The following MYO1H variants were observed in gnomAD, a reference collection of about 807,000 sequenced individuals.
The protein encoded by MYO1H is unconventional myosin-Ih.
Under a neutral mutation model 149.3 loss-of-function variants are expected in MYO1H, and 118 were observed. The observed-to-expected ratio is 0.79, with a 90% CI of 0.68 to 0.92. The LOEUF (loss-of-function observed/expected upper bound fraction) is 0.92, where lower values mean the gene tolerates loss of function less well. Among genes scored for constraint, MYO1H ranks in the 40% least tolerant of loss-of-function variants. The pLI is 0.00. For synonymous variants in MYO1H, 447 were observed against 465.2 expected, an observed-to-expected ratio of 0.96 and a Z score of 0.50; for missense variants, 1,212 against 1,280.7, an observed-to-expected ratio of 0.95 and a Z score of 0.82.
chr12:109,406,467 TAAAAAAAAA>T (rs56744077), intron 8 of MYO1H, among the ~76,000 whole-genome samples: 6 of 43,644 alleles, frequency 1.4e-4, no homozygotes, highest in South Asian at 1.1e-3. Context: ...CCCTATCTCT[TAAAAAAAAA>T]AAAAAAAAAA....
At chr12:109,388,925 T>TTC in intron 2 of MYO1H, 81 bp downstream of exon 2, 1 of 1,477,916 alleles carries the variant, frequency 6.8e-7, no homozygotes, top group Non-Finnish European at 9.2e-7. Flanking sequence ...GTGTGAATAA[T>TTC]AGCACTCTAT....
At chr12:109,440,859 T>TGGGGGGGGGCGGGGGGG in intron 25 of MYO1H, 32 bp downstream of exon 25, 2 of 1,135,614 alleles carry the variant, frequency 1.8e-6, no homozygotes, top group Non-Finnish European at 2.6e-6. Context: ...TGGCCGGTGG[T>TGGGGGGGGGCGGGGGGG]GGGGGTGGGT....
intron 15 of MYO1H, among the ~76,000 whole-genome samples, chr12:109,416,671 G>C (rs11066526): frequency 0.33 from 49,948 of 151,792 alleles, 8,405 homozygotes; most frequent in Admixed American, 0.4. Context: ...ATATATATAC[G>C]TAGGAATGGA....
the MYO1H span, among the ~76,000 whole-genome samples, chr12:109,313,607 G>A: frequency 1.3e-5 from 2 of 152,162 alleles, no homozygotes; most frequent in African/African-American, 4.8e-5. Context: ...GGAAGGGAAT[G>A]CTCTAATGTC....
chr12:109,344,450 G>C (rs192067378), upstream of MYO1H, among the ~76,000 whole-genome samples: 3 of 152,246 alleles, frequency 2.0e-5, no homozygotes, highest in African/African-American at 2.4e-5. Flanking sequence ...CTTGAACGCT[G>C]AAAACTATAA....
chr12:109,324,375 G>A, the MYO1H span, among the ~76,000 whole-genome samples: 2 of 152,220 alleles, frequency 1.3e-5, no homozygotes, highest in Non-Finnish European at 2.9e-5. Flanking sequence ...ATTCAAGGGA[G>A]AGAGTTACAC....
chr12:109,351,863 G>A (rs1868466490), intron 1 of MYO1H, among the ~76,000 whole-genome samples: 1 of 152,152 alleles, frequency 6.6e-6, no homozygotes, highest in African/African-American at 2.4e-5. Flanking sequence ...CTTGGTAAAA[G>A]CACCATCTAA....
Position 109,410,687 on chromosome 12 carries a change from G to C in MYO1H, c.1330-1G>C. The stretch of plus-strand genomic sequence containing the variant: ...GAATTCATTCCTCTTTGTCATTTTA[G>C]TGGGAGCCAATTAAATATTTCAACA... On this transcript the variant is annotated splice_acceptor_variant, in intron 12 of 31. Coordinates refer to ENST00000310903, the Ensembl canonical transcript of MYO1H. LOFTEE classifies it high-confidence loss of function. The C allele has an allele frequency of 6.3e-7, 1 of 1,591,872 alleles. No homozygotes were observed. Among genetic ancestry groups the C allele is most frequent in the South Asian group, 1.1e-5 (1 of 88,400 alleles).
intron 1 of MYO1H, among the ~76,000 whole-genome samples, chr12:109,358,703 G>C (rs905003098): frequency 1.3e-5 from 2 of 151,948 alleles, no homozygotes; most frequent in Admixed American, 1.3e-4. Flanking sequence ...GTTCTCTGCA[G>C]TATGCAGAGT....
chr12:109,329,806 G>A, the MYO1H span, among the ~76,000 whole-genome samples: 2 of 152,114 alleles, frequency 1.3e-5, no homozygotes, highest in Non-Finnish European at 2.9e-5. Context: ...TGATTATGCC[G>A]AGGCCTTGAC....
rs1051601875 is a variant in MYO1H at position 109,409,546 on chromosome 12, A to G, written c.1156-11A>G. 3 of 1,612,702 alleles carry G rather than the reference A, an allele frequency of 1.9e-6. No homozygotes were observed. The African/African-American group carries it at 4.0e-5, about 22-fold the overall frequency. On this transcript the variant is annotated splice_polypyrimidine_tract_variant and intron_variant, in intron 10 of 31. Coordinates refer to ENST00000310903, the Ensembl canonical transcript of MYO1H. The stretch of plus-strand genomic sequence containing the variant: ...GACCTAACTATGAATGGGGTGTGTT[A>G]TTTTGACCAGGATTTCACCAGGAAA...
chr12:109,322,702 C>T, the MYO1H span, among the ~76,000 whole-genome samples: 1 of 151,754 alleles, frequency 6.6e-6, no homozygotes, highest in African/African-American at 2.4e-5. Context: ...CACCTGTAAT[C>T]CCAGCTACTC....
chr12:109,369,898 A>G (rs2137014035), intron 1 of MYO1H, among the ~76,000 whole-genome samples: 1 of 152,344 alleles, frequency 6.6e-6, no homozygotes, highest in East Asian at 1.9e-4. Flanking sequence ...ACAGTTCCAC[A>G]TGGCTTGGGA....
intron 1 of MYO1H, among the ~76,000 whole-genome samples, chr12:109,376,378 G>T (rs80138939): frequency 0.033 from 5,023 of 152,218 alleles, 118 homozygotes; most frequent in Middle Eastern, 0.065. Flanking sequence ...CTTTCACCTA[G>T]CATGATGTTT....
chr12:109,350,556 G>A (rs1868443325), intron 1 of MYO1H, among the ~76,000 whole-genome samples: 1 of 152,154 alleles, frequency 6.6e-6, no homozygotes, highest in African/African-American at 2.4e-5. Flanking sequence ...GTGAGTGCAT[G>A]GAACCTCTTT....
the MYO1H span, among the ~76,000 whole-genome samples, chr12:109,321,375 C>T: frequency 1.3e-5 from 2 of 151,862 alleles, no homozygotes; most frequent in Non-Finnish European, 2.9e-5. Flanking sequence ...TATGGTGAAA[C>T]CCCCTTGTCT....
chr12:109,322,057 G>A, the MYO1H span, among the ~76,000 whole-genome samples: 4 of 152,158 alleles, frequency 2.6e-5, no homozygotes, highest in Non-Finnish European at 5.9e-5. Context: ...TTGGGGAAGT[G>A]GATGGGTTAG....
At chr12:109,390,801 G>A (rs1869617033) in intron 2 of MYO1H, among the ~76,000 whole-genome samples, 1 of 152,120 alleles carries the variant, frequency 6.6e-6, no homozygotes, top group South Asian at 2.1e-4. Context: ...AAGTAGCTGG[G>A]ATTACAGGCA....
At chr12:109,438,475 A>ATTTT in intron 22 of MYO1H, 61 bp from the exon 23 acceptor site, 1 of 1,325,394 alleles carries the variant, frequency 7.5e-7, no homozygotes, top group Non-Finnish European at 1.1e-6. Context: ...CTTCTGGAAA[A>ATTTT]GCCTTCTGTA....
Sources: gnomAD v4.1 joint callset for allele counts (sites outside exome capture counted in the v4.1 genomes callset) on GRCh38, gnomAD v4.1.1 for gene constraint, MANE v1.5 for transcripts, NCBI Gene and HGNC (gene_info 2026-07-23, HGNC 2026-07-21) for gene names.